DNAJA1: variants seen among roughly 807,000 people sequenced by gnomAD.
The protein encoded by DNAJA1 is dnaJ homolog subfamily A member 1.
In DNAJA1, 26 loss-of-function variants were observed where a neutral mutation model predicts 47.6. That is an observed-to-expected ratio of 0.55 (90% confidence interval 0.40 to 0.76). The LOEUF (loss-of-function observed/expected upper bound fraction) is 0.76. DNAJA1 is among the 30% of genes least tolerant of loss of function. DNAJA1 has a pLI of 0.00. For synonymous variants in DNAJA1, 165 were observed against 158.4 expected (o/e 1.04, Z -0.31); for missense variants, 315 against 485.0 (o/e 0.65, Z 3.29).
intron 6 of DNAJA1, among the ~76,000 whole-genome samples, chr9:33,035,023 C>T (rs907476242): frequency 7.2e-6 from 1 of 139,180 alleles, no homozygotes; most frequent in East Asian, 2.0e-4. Context: ...GCCTGGGTGA[C>T]AGTAAGAACC....
chr9:33,026,996 A>G lies in DNAJA1; in HGVS notation c.310+6A>G. On this transcript the variant is annotated splice_donor_region_variant and intron_variant, in intron 3 of 8. Coordinates refer to ENST00000330899, the MANE Select transcript of DNAJA1 (RefSeq NM_001539.4). Reference sequence around the variant, plus strand: ...GATGCAGAGAGAAAGGAGAGGTAAGAAGAATCTAGTCTTTGTGCAGCTAAC... The same window carrying G: ...GATGCAGAGAGAAAGGAGAGGTAAGGAGAATCTAGTCTTTGTGCAGCTAAC... 1.2e-6 allele frequency: 2 copies of G among 1,614,100 alleles called. No individual in the cohort carries two copies. The highest frequency in any genetic ancestry group is 1.7e-6 in the Non-Finnish European group (2 of 1,180,000).
intron 3 of DNAJA1, 62 bp downstream of exon 3, chr9:33,027,052 T>G (rs943532725): frequency 6.3e-7 from 1 of 1,583,296 alleles, no homozygotes; most frequent in Non-Finnish European, 8.6e-7. Flanking sequence ...AGCAGATCTT[T>G]GAGAAATCAC....
chr9:33,031,990 A>G (rs923160690), intron 5 of DNAJA1, among the ~76,000 whole-genome samples: 15 of 152,220 alleles, frequency 9.9e-5, no homozygotes, highest in Non-Finnish European at 2.1e-4. Context: ...ACAGCAATAC[A>G]CTGCAGAAAT....
chr9:33,031,839 G>A (rs1374556787), intron 5 of DNAJA1, among the ~76,000 whole-genome samples: 1 of 151,936 alleles, frequency 6.6e-6, no homozygotes, highest in Admixed American at 6.6e-5. Context: ...CATTTTTTTA[G>A]ACTTGACACT....
At chr9:33,029,769 A>ATG (rs1407944667) in intron 3 of DNAJA1, 116 bp from the exon 4 acceptor site, 2 of 732,244 alleles carry the variant, frequency 2.7e-6, no homozygotes, top group African/African-American at 3.6e-5. Context: ...TAGTCAACAG[A>ATG]TGTACCCTGT....
chr9:33,033,203 GA>G (rs1838986814), intron 5 of DNAJA1, among the ~76,000 whole-genome samples: 1 of 150,072 alleles, frequency 6.7e-6, no homozygotes, highest in Admixed American at 6.6e-5. Flanking sequence ...TGCCCTGTTA[GA>G]AAATACTCCT....
At chr9:33,027,058 A>G (rs1314799855) in intron 3 of DNAJA1, 68 bp downstream of exon 3, 3 of 1,574,788 alleles carry the variant, frequency 1.9e-6, no homozygotes, top group South Asian at 2.3e-5. Flanking sequence ...TCTTTGAGAA[A>G]TCACCCATTT....
At position 33,032,306 on chromosome 9, in the gene DNAJA1, A is replaced by G. The variant is rs1372159551; in HGVS notation, c.643+1639A>G. Among the ~76,000 whole-genome samples, 9 of 152,266 alleles carry G rather than the reference A, an allele frequency of 5.9e-5. No individual in the cohort carries two copies. The East Asian group carries it at 1.7e-3, about 29-fold the overall frequency. ...TCCTTGGCCAGTTGTTGAACTTAATAAATCTGTGTTTACCCCTTAGTGGGC... is the reference window on the plus strand; with the variant it reads ...TCCTTGGCCAGTTGTTGAACTTAATGAATCTGTGTTTACCCCTTAGTGGGC... On this transcript the variant is annotated intron_variant, in intron 5 of 8. Transcript: ENST00000330899.
rs140129920 is a variant in DNAJA1 at position 33,033,403 on chromosome 9, T to G, written c.644-813T>G. On this transcript the variant is annotated intron_variant, in intron 5 of 8. Coordinates refer to ENST00000330899, the MANE Select transcript of DNAJA1 (RefSeq NM_001539.4). ...TTTTAAGGGGACTATACTGAATAGT[T>G]CTTTAAAATACGGATTTTCAGGCAC... 7.4e-4 allele frequency among the ~76,000 whole-genome samples: 113 copies of G among 152,150 alleles called. 4 individuals are homozygous for G. In the East Asian group the frequency reaches 0.019, roughly 25 times the overall value.
chr9:33,035,371 A>G (rs1839017908), intron 6 of DNAJA1, among the ~76,000 whole-genome samples: 1 of 152,178 alleles, frequency 6.6e-6, no homozygotes, highest in African/African-American at 2.4e-5. Flanking sequence ...TCAAAAAAAA[A>G]GACTAATATT....
Position 33,038,726 on chromosome 9 carries a change from G to T in DNAJA1, c.1017G>T (p.Leu339=), listed in dbSNP as rs1213740013. 2 of 1,614,138 alleles carry T rather than the reference G, an allele frequency of 1.2e-6. No homozygotes were observed. The highest frequency in any genetic ancestry group is 4.5e-5 in the East Asian group (2 of 44,880). Residue 339 remains leucine, a synonymous_variant, in exon 9 of 9, where the codon CTG becomes CTT. Coordinates refer to ENST00000330899, the MANE Select transcript of DNAJA1 (RefSeq NM_001539.4). ...PENGFLSPDK[L]SLLEKLLPER... is the part of the protein sequence containing the mutation. ...ATGGCTTTCTCTCTCCTGATAAACTGTCTTTGCTGGAAAAACTCCTACCCG... is the reference window on the plus strand; with the variant it reads ...ATGGCTTTCTCTCTCCTGATAAACTTTCTTTGCTGGAAAAACTCCTACCCG...
intron 1 of DNAJA1, among the ~76,000 whole-genome samples, chr9:33,025,697 G>A (rs1325177819): frequency 8.6e-6 from 1 of 115,630 alleles, no homozygotes; most frequent in Non-Finnish European, 2.0e-5. Context: ...CTCGCTCGGG[G>A]TGGGGGGGGG....
At position 33,026,806 on chromosome 9, in the gene DNAJA1, C is replaced by G. The variant is rs775449958; in HGVS notation, c.133-7C>G. ...AAAATGAAATTCACTCCTCTTTTCTCAAACAGTTTAAACAGATTTCTCAAG... is the reference window on the plus strand; with the variant it reads ...AAAATGAAATTCACTCCTCTTTTCTGAAACAGTTTAAACAGATTTCTCAAG... On this transcript the variant is annotated splice_region_variant and splice_polypyrimidine_tract_variant and intron_variant, in intron 2 of 8. Coordinates refer to ENST00000330899, the MANE Select transcript of DNAJA1 (RefSeq NM_001539.4). The G allele has an allele frequency of 1.2e-6, 2 of 1,607,258 alleles. No homozygotes were observed. The highest frequency in any genetic ancestry group is 8.5e-7 in the Non-Finnish European group (1 of 1,177,486).
At chr9:33,030,972 GT>G (rs1433305502) in intron 5 of DNAJA1, among the ~76,000 whole-genome samples, 1 of 152,120 alleles carries the variant, frequency 6.6e-6, no homozygotes, top group Non-Finnish European at 1.5e-5. Context: ...TTAAACCATA[GT>G]TCTTCCATCT....
chr9:33,030,908 A>G (rs993382174), intron 5 of DNAJA1, among the ~76,000 whole-genome samples: 6 of 152,182 alleles, frequency 3.9e-5, no homozygotes, highest in African/African-American at 7.2e-5. Flanking sequence ...TCATCTTTTG[A>G]AATCTGTGGT....
At chr9:33,035,308 G>A (rs1261366821) in intron 6 of DNAJA1, among the ~76,000 whole-genome samples, 1 of 151,982 alleles carries the variant, frequency 6.6e-6, no homozygotes, top group African/African-American at 2.4e-5. Flanking sequence ...GTCGCGGTGA[G>A]TTGAGATGGC....
chr9:33,028,163 A>C (rs867175799), intron 3 of DNAJA1, among the ~76,000 whole-genome samples: 11 of 152,024 alleles, frequency 7.2e-5, no homozygotes, highest in Non-Finnish European at 1.5e-4. Context: ...TTCAAATGGG[A>C]GTAAGTTAAA....
rs774061267 is a variant in DNAJA1, at chr9:33,029,878, GT to G, written c.311-3del. On this transcript the variant is annotated splice_region_variant and splice_polypyrimidine_tract_variant and intron_variant, in intron 3 of 8. Transcript: ENST00000330899. ...ACAGATTTGCAATGAGAAATATTTTGTTTTAGGTAAAAATGTTGTACATCAG... is the reference window on the plus strand; with the variant it reads ...ACAGATTTGCAATGAGAAATATTTTGTTTAGGTAAAAATGTTGTACATCAG... The G allele has an allele frequency of 1.3e-6, 2 of 1,597,546 alleles. No homozygotes were observed. Among genetic ancestry groups the G allele is most frequent in the Non-Finnish European group, 1.7e-6 (2 of 1,173,576 alleles).
intron 6 of DNAJA1, 41 bp from the exon 7 acceptor site, chr9:33,036,533 C>A: frequency 7.2e-7 from 1 of 1,384,496 alleles, no homozygotes; most frequent in Non-Finnish European, 1.0e-6. Context: ...TCTACTGATT[C>A]GTGATTTGAA....
Sources: allele counts gnomAD v4.1 joint callset (sites outside exome capture counted in the v4.1 genomes callset), GRCh38; gene constraint gnomAD v4.1.1; transcripts MANE v1.5; gene names NCBI Gene and HGNC (gene_info 2026-07-23, HGNC 2026-07-21).